CCM2: variants seen among roughly 807,000 people sequenced by gnomAD.
CCM2 encodes the protein cerebral cavernous malformations 2 protein.
In CCM2, 25 loss-of-function variants were observed where a neutral mutation model predicts 44.9. The observed-to-expected ratio is 0.56, with a 90% CI of 0.41 to 0.78. The LOEUF (loss-of-function observed/expected upper bound fraction) is 0.78, where lower values mean the gene tolerates loss of function less well. CCM2 is among the 30% of genes least tolerant of loss of function. CCM2 has a pLI of 0.00. For missense variants in CCM2, 481 were observed against 580.6 expected (o/e 0.83, Z 1.76); for synonymous variants, 219 against 241.1 (o/e 0.91, Z 0.85).
chr7:45,005,451 C>G (rs1795806211), intron 1 of CCM2, among the ~76,000 whole-genome samples: 1 of 152,246 alleles, frequency 6.6e-6, no homozygotes, highest in South Asian at 2.1e-4. Context: ...AAGGGCTTCC[C>G]TGCAGACGAG....
At chr7:45,049,529 A>G (rs1486850354) in intron 2 of CCM2, among the ~76,000 whole-genome samples, 1 of 152,210 alleles carries the variant, frequency 6.6e-6, no homozygotes, top group Admixed American at 6.5e-5. Context: ...TAGCACACAT[A>G]AAACTGCCTC....
At chr7:45,025,380 G>A (rs1006668180) in intron 1 of CCM2, among the ~76,000 whole-genome samples, 1 of 152,202 alleles carries the variant, frequency 6.6e-6, no homozygotes, top group South Asian at 2.1e-4. Context: ...GTGGCCATCA[G>A]CAGCAGGCAG....
At chr7:45,071,623 C>T (rs965538041) in intron 6 of CCM2, 2 of 362,310 alleles carry the variant, frequency 5.5e-6, no homozygotes, top group African/African-American at 4.3e-5. Context: ...TCCCACTGGG[C>T]TAAAGTTGAG....
At chr7:45,015,808 C>T (rs543174186) in intron 1 of CCM2, among the ~76,000 whole-genome samples, 24 of 152,316 alleles carry the variant, frequency 1.6e-4, no homozygotes, top group African/African-American at 5.8e-4. Flanking sequence ...GGACATGCTT[C>T]CCGTCTTGTC....
intron 1 of CCM2, among the ~76,000 whole-genome samples, chr7:45,019,385 T>G (rs1415281555): frequency 1.3e-5 from 2 of 152,184 alleles, no homozygotes; most frequent in African/African-American, 4.8e-5. Flanking sequence ...TACTTTGGTT[T>G]GGTAGATCAG....
intron 2 of CCM2, among the ~76,000 whole-genome samples, chr7:45,063,628 AACTAGTAGTTTTGGT>A (rs1562906457): frequency 6.6e-6 from 1 of 152,158 alleles, no homozygotes; most frequent in East Asian, 1.9e-4. Context: ...ATTCTACCAA[AACTAGTAGTTTTGGT>A]ACTAGTAGTT....
At chr7:45,055,382 T>C (rs774330963) in intron 2 of CCM2, among the ~76,000 whole-genome samples, 18 of 152,156 alleles carry the variant, frequency 1.2e-4, no homozygotes, top group South Asian at 2.1e-4. Context: ...TTTATTGTAG[T>C]AAAATATACA....
At chr7:45,011,218 C>T (rs1010959526) in intron 1 of CCM2, among the ~76,000 whole-genome samples, 1 of 149,134 alleles carries the variant, frequency 6.7e-6, no homozygotes, top group Non-Finnish European at 1.5e-5. Flanking sequence ...TTTTTTGAGA[C>T]GGAGTCTCAC....
intron 1 of CCM2, among the ~76,000 whole-genome samples, chr7:45,013,141 T>C (rs1242447629): frequency 6.6e-6 from 1 of 152,188 alleles, no homozygotes; most frequent in African/African-American, 2.4e-5. Flanking sequence ...CTCTATATAT[T>C]GCTATATATA....
chr7:45,073,098 C>T (rs937055178), intron 7 of CCM2: 1 of 583,416 alleles, frequency 1.7e-6, no homozygotes, highest in African/African-American at 1.9e-5. Context: ...GGCCTTCCAG[C>T]CCATCTCTGC....
chr7:45,013,731 C>T (rs1301002679), intron 1 of CCM2, among the ~76,000 whole-genome samples: 5 of 152,148 alleles, frequency 3.3e-5, no homozygotes, highest in African/African-American at 1.2e-4. Flanking sequence ...TCTCTTTAGG[C>T]TCTTTGAACT....
Position 45,076,214 on chromosome 7 carries a change from G to A in CCM2, c.*157G>A. 1.0e-6 allele frequency: 1 copy of A among 997,636 alleles called. No individual in the cohort carries two copies. The highest frequency in any genetic ancestry group is 1.5e-6 in the Non-Finnish European group (1 of 657,226). 61.8% of individuals were successfully genotyped at this position (997,636 alleles called of 1,614,324 possible). A position where few individuals can be genotyped will look rare whatever the true frequency, so the allele number is the denominator to read the frequency against. On this transcript the variant is annotated 3_prime_UTR_variant, in exon 10 of 10. Transcript: ENST00000258781. Reference sequence around the variant, plus strand: ...GCGGCCCAGGTCCTCTACTGTGAAGGAGCAGGGAGCTGCCGAGGGACACGA... The same window carrying A: ...GCGGCCCAGGTCCTCTACTGTGAAGAAGCAGGGAGCTGCCGAGGGACACGA...
At chr7:45,051,467 G>C (rs542212972) in intron 2 of CCM2, among the ~76,000 whole-genome samples, 26 of 152,148 alleles carry the variant, frequency 1.7e-4, no homozygotes, top group Admixed American at 1.2e-3. Flanking sequence ...GCGTGGTCTT[G>C]GCTCACTGCA....
At chr7:45,043,699 C>A in intron 2 of CCM2, 1 of 385,626 alleles carries the variant, frequency 2.6e-6, no homozygotes, top group Non-Finnish European at 4.9e-6. Flanking sequence ...TTTTTTCTTT[C>A]CTTCTAGGGC....
intron 1 of CCM2, among the ~76,000 whole-genome samples, chr7:45,013,100 T>G (rs1796128454): frequency 6.6e-6 from 1 of 152,180 alleles, no homozygotes; most frequent in African/African-American, 2.4e-5. Context: ...TTAACTCTGT[T>G]CTATTGCTAC....
chr7:45,025,813 C>T (rs929773170), intron 1 of CCM2, among the ~76,000 whole-genome samples: 4 of 152,338 alleles, frequency 2.6e-5, no homozygotes, highest in Non-Finnish European at 4.4e-5. Context: ...GGATTACAGG[C>T]GGGAGCCACT....
intron 4 of CCM2, among the ~76,000 whole-genome samples, chr7:45,067,115 T>C (rs1439192086): frequency 6.6e-6 from 1 of 152,078 alleles, no homozygotes; most frequent in Non-Finnish European, 1.5e-5. Flanking sequence ...TTAGCCAGGA[T>C]GATCTTGATC....
At chr7:45,051,626 T>A (rs1261118861) in intron 2 of CCM2, among the ~76,000 whole-genome samples, 5 of 151,968 alleles carry the variant, frequency 3.3e-5, no homozygotes, top group Admixed American at 1.3e-4. Flanking sequence ...GGTGGCATGA[T>A]CTCAGCTCAC....
chr7:45,067,225 G>A (rs533034004), intron 4 of CCM2, among the ~76,000 whole-genome samples: 1 of 135,002 alleles, frequency 7.4e-6, no homozygotes, highest in Non-Finnish European at 1.6e-5. Context: ...CAAGTTTGGT[G>A]CTTGTTGCCC....
Sources: allele counts gnomAD v4.1 joint callset (sites outside exome capture counted in the v4.1 genomes callset), GRCh38; gene constraint gnomAD v4.1.1; transcripts MANE v1.5; gene names NCBI Gene and HGNC (gene_info 2026-07-23, HGNC 2026-07-21).